Variants in OR4D1 observed in about 807,000 individuals in gnomAD.
OR4D1 encodes the protein olfactory receptor family 4 subfamily D member 1.
Under a neutral mutation model 14.2 loss-of-function variants are expected in OR4D1, and 10 were observed. That is an observed-to-expected ratio of 0.71 (90% confidence interval 0.44 to 1.20). The LOEUF is 1.20. Among genes scored for constraint, OR4D1 ranks in the 50% most tolerant of loss-of-function variants. The pLI is 0.00. For missense variants in OR4D1, 345 were observed against 376.6 expected (o/e 0.92, Z 0.70); for synonymous variants, 141 against 147.4 (o/e 0.96, Z 0.32).
Position 58,157,827 on chromosome 17 carries a change from C to T in OR4D1, c.*1741C>T. ...TAAGGAAGACCAGATCAATAGACTCCATGATGGATGTTTGTTTCAAAGGGT... is the reference window on the plus strand; with the variant it reads ...TAAGGAAGACCAGATCAATAGACTCTATGATGGATGTTTGTTTCAAAGGGT... On this transcript the variant is annotated 3_prime_UTR_variant, in exon 4 of 4. Coordinates refer to ENST00000268912, the MANE Select transcript of OR4D1 (RefSeq NM_001386095.1). The T allele has an allele frequency of 3.8e-6, 6 of 1,590,168 alleles. No individual in the cohort carries two copies. Among genetic ancestry groups the T allele is most frequent in the East Asian group, 2.2e-5 (1 of 44,788 alleles).
Position 58,157,584 on chromosome 17 carries a change from C to T in OR4D1, c.*1498C>T, listed in dbSNP as rs1967792975. 1 of 1,605,552 alleles carries T rather than the reference C, an allele frequency of 6.2e-7. No individual in the cohort carries two copies. Among genetic ancestry groups the T allele is most frequent in the African/African-American group, 1.3e-5 (1 of 74,766 alleles). ...AAAATCTTGTTCCAGAACCGAAGGG[C>T]CAAGACGAAAAGACTGCAGGAGTCA... is the stretch of plus-strand genomic sequence containing the variant. On this transcript the variant is annotated 3_prime_UTR_variant, in exon 4 of 4. Coordinates refer to ENST00000268912, the MANE Select transcript of OR4D1 (RefSeq NM_001386095.1).
intron 1 of OR4D1, among the ~76,000 whole-genome samples, 183 bp from the exon 2 acceptor site, chr17:58,149,246 A>T (rs1967668650): frequency 6.6e-6 from 1 of 152,144 alleles, no homozygotes; most frequent in South Asian, 2.1e-4. Flanking sequence ...TCTATTTTCT[A>T]TGCATGTAGG....
intron 2 of OR4D1, among the ~76,000 whole-genome samples, chr17:58,150,971 A>G (rs987116815): frequency 3.3e-4 from 50 of 152,164 alleles, no homozygotes; most frequent in African/African-American, 1.2e-3. Flanking sequence ...TTTTGATTAA[A>G]ATTTTATGAC....
intron 1 of OR4D1, 32 bp downstream of exon 1, chr17:58,148,616 G>A (rs1597950619): frequency 7.0e-6 from 1 of 143,246 alleles, no homozygotes; most frequent in African/African-American, 3.0e-5. Context: ...GGGAAGGCAT[G>A]GGGGAAGTCA....
At position 58,157,887 on chromosome 17, in the gene OR4D1, A is replaced by AT. The variant is rs2143665245; in HGVS notation, c.*1802dup. ...CTCTCCAAGAAGGCAGGACCAGCCAATACTCCTGTTCTGCAAACCCTGAGT... is the reference window on the plus strand; with the variant it reads ...CTCTCCAAGAAGGCAGGACCAGCCAATTACTCCTGTTCTGCAAACCCTGAGT... On this transcript the variant is annotated 3_prime_UTR_variant, in exon 4 of 4. Coordinates refer to ENST00000268912, the MANE Select transcript of OR4D1 (RefSeq NM_001386095.1). 3 of 1,344,428 alleles carry AT rather than the reference A, an allele frequency of 2.2e-6. No individual in the cohort carries two copies. The highest frequency in any genetic ancestry group is 2.1e-6 in the Non-Finnish European group (2 of 950,050). 83.3% of individuals were successfully genotyped at this position (1,344,428 alleles called of 1,614,324 possible).
rs781003628 is a variant in OR4D1, at chr17:58,155,889, G to C, written c.736G>C (p.Val246Leu). 8 of 1,613,970 alleles carry C rather than the reference G, an allele frequency of 5.0e-6. No individual in the cohort carries two copies. The Admixed American group carries it at 5.0e-5, about 10-fold the overall frequency. ...AASTCTTHII[V>L]VSMIFIPCIY... ...TTCCACCTGCACCACCCACATCATC[G>C]TGGTGTCCATGATCTTCATTCCCTG... Residue 246 changes from valine (V) to leucine (L), a missense_variant, in exon 4 of 4, where the codon GTG (valine) becomes CTG (leucine). Coordinates refer to ENST00000268912, the MANE Select transcript of OR4D1 (RefSeq NM_001386095.1).
Position 58,155,262 on chromosome 17 carries a change from A to G in OR4D1, c.109A>G (p.Thr37Ala). ...LFLLFLLVYV[T>A]TIVGNLLIMV... is the part of the protein sequence containing the mutation. ...CCTTCTGTTCCTGTTAGTCTATGTT[A>G]CCACCATTGTGGGAAACCTCCTTAT... The change falls in exon 4 of 4, where the codon ACC becomes GCC. Residue 37 changes from threonine to alanine, a missense_variant. Transcript: ENST00000268912. 2 of 1,614,024 alleles carry G rather than the reference A, an allele frequency of 1.2e-6. No homozygotes were observed. Among genetic ancestry groups the G allele is most frequent in the African/African-American group, 1.3e-5 (1 of 74,998 alleles).
In OR4D1 at chr17:58,157,835, A is replaced by G; in HGVS notation, c.*1749A>G. ...ACCAGATCAATAGACTCCATGATGG[A>G]TGTTTGTTTCAAAGGGTTTCCTCTC... On this transcript the variant is annotated 3_prime_UTR_variant, in exon 4 of 4. Coordinates refer to ENST00000268912, the MANE Select transcript of OR4D1 (RefSeq NM_001386095.1). 3 of 1,582,964 alleles carry G rather than the reference A, an allele frequency of 1.9e-6. No individual in the cohort carries two copies. Among genetic ancestry groups the G allele is most frequent in the Non-Finnish European group, 2.6e-6 (3 of 1,162,780 alleles).
chr17:58,149,962 A>G (rs1967680234), intron 2 of OR4D1, among the ~76,000 whole-genome samples, 166 bp downstream of exon 2: 1 of 152,242 alleles, frequency 6.6e-6, no homozygotes, highest in South Asian at 2.1e-4. Context: ...GGTACTTACT[A>G]TACTTATAAA....
In OR4D1 at chr17:58,156,259, T is replaced by C. The variant is rs139336934; in HGVS notation, c.*173T>C. On this transcript the variant is annotated 3_prime_UTR_variant, in exon 4 of 4. Transcript: ENST00000268912. ...AGCACTTCCACGCTTTTTTTCTTTT[T>C]TTTTTTTTTTAGATGGAGCCTTGCT... The C allele has an allele frequency of 1.3e-4, 75 of 578,442 alleles. No homozygotes were observed. The East Asian group carries it at 2.1e-3, about 16-fold the overall frequency. The allele number at this position is 578,442 out of a possible 1,614,324, so 35.8% of individuals were successfully genotyped here.
chr17:58,149,892 A>C (rs1967679783), intron 2 of OR4D1, 96 bp downstream of exon 2: 2 of 152,224 alleles, frequency 1.3e-5, no homozygotes, highest in Non-Finnish European at 2.9e-5. Context: ...GTGATCTGGG[A>C]GAAATTAGTT....
chr17:58,150,085 A>G (rs917074878), intron 2 of OR4D1, among the ~76,000 whole-genome samples: 6 of 152,248 alleles, frequency 3.9e-5, no homozygotes, highest in East Asian at 1.9e-4. Context: ...AATTACTGCT[A>G]TTACAACAAT....
At position 58,156,945 on chromosome 17, in the gene OR4D1, CA is replaced by C. The variant is rs1243303818; in HGVS notation, c.*866del. On this transcript the variant is annotated 3_prime_UTR_variant, in exon 4 of 4. Coordinates refer to ENST00000268912, the MANE Select transcript of OR4D1 (RefSeq NM_001386095.1). ...TTATCTCGCCCTCCCTCCTCCCCCA[CA>C]AAAAAAGTTTGAGTCGCCGCTGCGG... The C allele has an allele frequency of 2.4e-5, 16 of 663,318 alleles. No individual in the cohort carries two copies. Among genetic ancestry groups the C allele is most frequent in the South Asian group, 1.3e-4 (8 of 62,918 alleles). 41.1% of individuals were successfully genotyped at this position (663,318 alleles called of 1,614,324 possible).
rs1967793743 is a variant in OR4D1, at chr17:58,157,644, T to G, written c.*1558T>G. The G allele has an allele frequency of 6.2e-6, 10 of 1,613,820 alleles. No homozygotes were observed. The East Asian group carries it at 2.2e-4, about 36-fold the overall frequency. On this transcript the variant is annotated 3_prime_UTR_variant, in exon 4 of 4. Transcript: ENST00000268912. ...AAGCTGAAAATGGCTGCAAAACCTATGCTACCCTCCAGCTTCAGTCTCCCT... is the reference window on the plus strand; with the variant it reads ...AAGCTGAAAATGGCTGCAAAACCTAGGCTACCCTCCAGCTTCAGTCTCCCT...
At chr17:58,152,591 C>T (rs1967715166) in intron 2 of OR4D1, among the ~76,000 whole-genome samples, 1 of 152,130 alleles carries the variant, frequency 6.6e-6, no homozygotes, top group South Asian at 2.1e-4. Flanking sequence ...TCTTTACATC[C>T]ATAAAAACTT....
Position 58,155,269 on chromosome 17 carries a change from T to TAGAC in OR4D1, c.116_117insAGAC (p.Val40AspfsTer14). 2.5e-6 allele frequency: 4 copies of TAGAC among 1,614,194 alleles called. No individual in the cohort carries two copies. Among genetic ancestry groups the TAGAC allele is most frequent in the Non-Finnish European group, 3.4e-6 (4 of 1,180,022 alleles). Reference sequence around the variant, plus strand: ...TTCCTGTTAGTCTATGTTACCACCATTGTGGGAAACCTCCTTATCATGGTC... The same window carrying TAGAC: ...TTCCTGTTAGTCTATGTTACCACCATAGACTGTGGGAAACCTCCTTATCATGGTC... On this transcript the variant is annotated frameshift_variant, in exon 4 of 4. Coordinates refer to ENST00000268912, the MANE Select transcript of OR4D1 (RefSeq NM_001386095.1). LOFTEE classifies it high-confidence loss of function.
chr17:58,148,698 A>T (rs1967662958), intron 1 of OR4D1, 114 bp downstream of exon 1: 1 of 152,192 alleles, frequency 6.6e-6, no homozygotes, highest in African/African-American at 2.4e-5. Flanking sequence ...TTTTGTCTGT[A>T]TTGGCTTATG....
chr17:58,155,495 T>G lies in OR4D1; in HGVS notation c.342T>G (p.Phe114Leu). Residue 114 changes from phenylalanine (F) to leucine (L), a missense_variant, in exon 4 of 4, where the codon TTT becomes TTG. Transcript: ENST00000268912. The stretch of plus-strand genomic sequence containing the variant: ...TTTTGGGAGGTGGGACTGTCTTTTT[T>G]CTCTCAGTCATGGCCTATGACCGCT... ...FHLLGGGTVFFLSVMAYDRYI... is the reference protein window; with the variant it reads ...FHLLGGGTVFLLSVMAYDRYI... 6.2e-7 allele frequency: 1 copy of G among 1,614,152 alleles called. No homozygotes were observed. The highest frequency in any genetic ancestry group is 8.5e-7 in the Non-Finnish European group (1 of 1,180,018).
At chr17:58,153,303 T>G (rs948169015) in intron 2 of OR4D1, among the ~76,000 whole-genome samples, 2 of 152,228 alleles carry the variant, frequency 1.3e-5, no homozygotes, top group African/African-American at 4.8e-5. Flanking sequence ...TACCACATCA[T>G]TTCCTGCTGA....
Sources: gnomAD v4.1 joint callset for allele counts (sites outside exome capture counted in the v4.1 genomes callset) on GRCh38, gnomAD v4.1.1 for gene constraint, MANE v1.5 for transcripts, NCBI Gene and HGNC (gene_info 2026-07-23, HGNC 2026-07-21) for gene names.